The following DMBT1 variants were observed in gnomAD, a reference collection of about 807,000 sequenced individuals.
The protein encoded by DMBT1 is deleted in malignant brain tumors 1, also known as scavenger receptor cysteine-rich domain-containing protein DMBT1.
DMBT1 carries 198 observed loss-of-function variants against 252.9 expected under a neutral mutation model. The observed-to-expected ratio is 0.78, with a 90% confidence interval of 0.70 to 0.88. The LOEUF (loss-of-function observed/expected upper bound fraction) is 0.88, where lower values mean the gene tolerates loss of function less well. Ranked by LOEUF, DMBT1 falls within the 40% of genes least tolerant of loss-of-function variation. The pLI, the probability that DMBT1 is intolerant of heterozygous loss-of-function variation, is 0.00. For missense variants in DMBT1, 2,432 were observed against 2,404.7 expected (o/e 1.01, Z -0.24); for synonymous variants, 990 against 942.7 (o/e 1.05, Z -0.92).
chr10:122,633,052 C>A lies in DMBT1; in HGVS notation c.6398-139C>A, dbSNP rs894950194. 1.7e-5 allele frequency: 26 copies of A among 1,491,092 alleles called. No individual in the cohort carries two copies. The Middle Eastern group carries it at 1.7e-3, about 96-fold the overall frequency. The allele number at this position is 1,491,092 out of a possible 1,614,324, so 92.4% of individuals were successfully genotyped here. ...CTCAGTGGACGGTCCAGATCTAGGC[C>A]ACCTCTTGCTCTTACTTGGTTTCTG... On this transcript the variant is annotated intron_variant, in intron 51 of 55. Coordinates refer to ENST00000338354, the MANE Select transcript of DMBT1 (RefSeq NM_001377530.1).
At position 122,576,640 on chromosome 10, in the gene DMBT1, A is replaced by C; in HGVS notation, c.525A>C (p.Glu175Asp). The C allele has an allele frequency of 6.2e-7, 1 of 1,613,712 alleles. No homozygotes were observed. Among genetic ancestry groups the C allele is most frequent in the Non-Finnish European group, 8.5e-7 (1 of 1,179,718 alleles). The change falls in exon 7 of 56, where the codon GAA becomes GAC. Residue 175 changes from glutamate (E) to aspartate (D), a missense_variant. Physicochemically the swap from Glu to Asp is conservative, Grantham distance 45. This residue lies in a region of DMBT1 where 1,264 missense variants were observed against 1,082.2 expected (regional missense o/e 1.17). Coordinates refer to ENST00000338354, the MANE Select transcript of DMBT1 (RefSeq NM_001377530.1). ...ALDDVRCSGH[E>D]SYLWSCPHNG... ...ATGATGTGCGCTGCTCAGGACACGA[A>C]TCCTACCTGTGGAGCTGCCCCCACA...
At chr10:122,619,384 C>A (rs1432271753) in intron 42 of DMBT1, 47 bp downstream of exon 42, 6 of 1,612,228 alleles carry the variant, frequency 3.7e-6, no homozygotes, top group East Asian at 4.5e-5. Flanking sequence ...TCTTTCTGCC[C>A]AGTTACCTCT....
chr10:122,592,692 C>T, intron 20 of DMBT1, 97 bp downstream of exon 20: 1 of 1,537,406 alleles, frequency 6.5e-7, no homozygotes, highest in South Asian at 1.3e-5. Flanking sequence ...AAAGATTCTT[C>T]TATGTTTCCT....
In DMBT1 at chr10:122,629,933, G is replaced by A; in HGVS notation, c.5762G>A (p.Cys1921Tyr). 2.5e-6 allele frequency: 4 copies of A among 1,614,024 alleles called. No homozygotes were observed. The highest frequency in any genetic ancestry group is 1.3e-5 in the African/African-American group (1 of 75,056). ...GCATACTACCCCAACAATGCTAAGTGTGTTTGGGAAATAGAAGTGAATTCT... is the reference window on the plus strand; with the variant it reads ...GCATACTACCCCAACAATGCTAAGTATGTTTGGGAAATAGAAGTGAATTCT... ...YPAYYPNNAKCVWEIEVNSGY... is the reference protein window; with the variant it reads ...YPAYYPNNAKYVWEIEVNSGY... Residue 1921 changes from cysteine to tyrosine, a missense_variant, in exon 47 of 56, where the codon TGT (cysteine) becomes TAT (tyrosine). Around this residue, in one of 3 missense-constraint regions of DMBT1, gnomAD observed 1,162 missense variants for 1,169.0 expected, o/e 0.99. Transcript: ENST00000338354.
chr10:122,599,163 T>C, intron 26 of DMBT1, 66 bp downstream of exon 26: 2 of 1,611,518 alleles, frequency 1.2e-6, no homozygotes, highest in South Asian at 2.2e-5. Flanking sequence ...AACTCCTAAT[T>C]ACATTCTGAT....
Position 122,630,964 on chromosome 10 carries a change from C to T in DMBT1, c.6029C>T (p.Ala2010Val). ...LAWYNSFPSDATLRLVNLNSS... is the reference protein window; with the variant it reads ...LAWYNSFPSDVTLRLVNLNSS... The stretch of plus-strand genomic sequence containing the variant: ...TCTCAGTTAATGTGTCTTTCAGATG[C>T]CACCTTGAGGTTGGTCAATTTAAAT... Residue 2010 changes from alanine (A) to valine (V), a missense_variant, in exon 49 of 56, where the codon GCC (alanine) becomes GTC (valine). Ala to Val is a moderately conservative substitution (Grantham distance 64). Around this residue, in one of 3 missense-constraint regions of DMBT1, gnomAD observed 1,162 missense variants for 1,169.0 expected, o/e 0.99. Transcript: ENST00000338354. 1 of 1,593,316 alleles carries T rather than the reference C, an allele frequency of 6.3e-7. No individual in the cohort carries two copies. The highest frequency in any genetic ancestry group is 8.6e-7 in the Non-Finnish European group (1 of 1,165,018).
rs2097912692 is a variant in DMBT1, at chr10:122,598,975, G to A, written c.3158G>A (p.Gly1053Glu). ...PGNARFGQGS[G>E]PIVLDDVRCS... ...AATGCCCGGTTTGGTCAGGGCTCAG[G>A]ACCCATTGTCCTGGATGATGTGCGC... is the stretch of plus-strand genomic sequence containing the variant. The change falls in exon 26 of 56, where the codon GGA (glycine) becomes GAA (glutamate). Residue 1053 changes from glycine (G) to glutamate (E), a missense_variant. Physicochemically the swap from Gly to Glu is moderately conservative, Grantham distance 98. Transcript: ENST00000338354. 3 of 1,613,758 alleles carry A rather than the reference G, an allele frequency of 1.9e-6. No homozygotes were observed. The highest frequency in any genetic ancestry group is 2.5e-6 in the Non-Finnish European group (3 of 1,179,734).
At chr10:122,575,514 G>A (rs2133539980) in intron 6 of DMBT1, among the ~76,000 whole-genome samples, 2 of 152,212 alleles carry the variant, frequency 1.3e-5, no homozygotes, top group South Asian at 4.2e-4. Flanking sequence ...TATATTTTCT[G>A]GTTTTTTTTG....
intron 27 of DMBT1, among the ~76,000 whole-genome samples, chr10:122,600,594 C>T (rs1276320512): frequency 6.6e-6 from 1 of 152,162 alleles, no homozygotes; most frequent in African/African-American, 2.4e-5. Flanking sequence ...TTTGTGATGT[C>T]ACTGCTTAAC....
At chr10:122,589,338 A>G (rs1480091669) in intron 17 of DMBT1, 71 bp downstream of exon 17, 1 of 1,570,908 alleles carries the variant, frequency 6.4e-7, no homozygotes, top group Admixed American at 1.7e-5. Flanking sequence ...CTTATGTTCT[A>G]ATCTCCTCAC....
rs191124587 is a variant in DMBT1, at chr10:122,624,046, G to A, written c.5609-1231G>A. Among the ~76,000 whole-genome samples, 65 of 152,272 alleles carry A rather than the reference G, an allele frequency of 4.3e-4. 1 individual carries two copies. The East Asian group carries it at 8.1e-3, about 19-fold the overall frequency. On this transcript the variant is annotated intron_variant, in intron 44 of 55. Coordinates refer to ENST00000338354, the MANE Select transcript of DMBT1 (RefSeq NM_001377530.1). ...TGAAAGTGACTCAGGAATAAGCCTC[G>A]GGCCTGATGGGGTGGTCCCTGTGAG...
chr10:122,633,080 T>C (rs2133678753), intron 51 of DMBT1, 111 bp from the exon 52 acceptor site: 2 of 1,499,898 alleles, frequency 1.3e-6, no homozygotes, highest in East Asian at 2.5e-5. Flanking sequence ...GGTTTCTGTC[T>C]TGGGAATTAT....
chr10:122,617,757 G>C (rs1208679911), intron 40 of DMBT1, among the ~76,000 whole-genome samples: 2 of 151,616 alleles, frequency 1.3e-5, no homozygotes, highest in African/African-American at 4.9e-5. Flanking sequence ...CCAGAGTAGG[G>C]AGTGGGGCAT....
At chr10:122,579,940 G>A (rs377034771) in intron 10 of DMBT1, 39 bp downstream of exon 10, 12 of 1,613,012 alleles carry the variant, frequency 7.4e-6, no homozygotes, top group Non-Finnish European at 9.3e-6. Flanking sequence ...TCTTGGGGTG[G>A]AGTTTGCTCC....
intron 54 of DMBT1, among the ~76,000 whole-genome samples, chr10:122,637,911 G>A (rs554199821): frequency 2.0e-5 from 3 of 152,176 alleles, no homozygotes; most frequent in Non-Finnish European, 4.4e-5. Flanking sequence ...TTGGGTGAAA[G>A]TGAAGCCAAT....
chr10:122,634,356 C>G (rs2098193420), intron 52 of DMBT1, among the ~76,000 whole-genome samples: 1 of 98,418 alleles, frequency 1.0e-5, no homozygotes. Flanking sequence ...TTCTTTCTTT[C>G]TTTCTTTCTT....
At chr10:122,634,360 CTTTCTTTCTTTCTTTCTT>C (rs1555029941) in intron 52 of DMBT1, among the ~76,000 whole-genome samples, 5 of 105,726 alleles carry the variant, frequency 4.7e-5, no homozygotes, top group African/African-American at 2.0e-4. Context: ...TTCTTTCTTT[CTTTCTTTCTTTCTTTCTT>C]TCTTTCTTTC....
chr10:122,625,321 C>T lies in DMBT1; in HGVS notation c.5635+18C>T, dbSNP rs754885279. 1.9e-6 allele frequency: 3 copies of T among 1,606,658 alleles called. No individual in the cohort carries two copies. Among genetic ancestry groups the T allele is most frequent in the African/African-American group, 2.7e-5 (2 of 74,816 alleles). On this transcript the variant is annotated intron_variant, in intron 45 of 55. Coordinates refer to ENST00000338354, the MANE Select transcript of DMBT1 (RefSeq NM_001377530.1). ...TACGACAGGTGAGTCTGCTACACCC[C>T]AGTCCAGCAATATTTCTCTTGGGAA...
At chr10:122,627,843 A>T (rs1055852690) in intron 46 of DMBT1, among the ~76,000 whole-genome samples, 1 of 152,234 alleles carries the variant, frequency 6.6e-6, no homozygotes, top group Non-Finnish European at 1.5e-5. Flanking sequence ...GTAGTCAATG[A>T]TAAAAAGTCA....
Sources: allele counts gnomAD v4.1 joint callset (sites outside exome capture counted in the v4.1 genomes callset), GRCh38; gene constraint gnomAD v4.1.1; regional missense constraint gnomAD v4.1.1; transcripts MANE v1.5; gene names NCBI Gene and HGNC (gene_info 2026-07-23, HGNC 2026-07-21).